Variants in TMEM101 observed in about 807,000 individuals in gnomAD.
TMEM101 encodes the protein putative NF-kappa-B-activating protein 130.
Under a neutral mutation model 26.0 loss-of-function variants are expected in TMEM101, and 14 were observed. That is an observed-to-expected ratio of 0.54 (90% confidence interval 0.36 to 0.84). TMEM101 has a LOEUF of 0.84. TMEM101 is among the 40% of genes least tolerant of loss of function. The pLI, the probability that TMEM101 is intolerant of heterozygous loss-of-function variation, is 0.01. For synonymous variants in TMEM101, 152 were observed against 145.1 expected (o/e 1.05, Z -0.34); for missense variants, 292 against 345.1 (o/e 0.85, Z 1.22).
At chr17:44,019,750 G>A (rs78491237), upstream of TMEM101, among the ~76,000 whole-genome samples, 2 of 152,032 alleles carry the variant, frequency 1.3e-5, no homozygotes, top group African/African-American at 2.4e-5. Flanking sequence ...ATACTCTTAC[G>A]GATACACAGG....
upstream of TMEM101, among the ~76,000 whole-genome samples, chr17:44,018,466 A>C (rs1009771746): frequency 3.3e-5 from 5 of 152,214 alleles, no homozygotes; most frequent in Non-Finnish European, 7.3e-5. Flanking sequence ...AATTTTGTCT[A>C]TCTCTACCCA....
rs1308499774 is a variant in TMEM101, at chr17:44,011,685, A to C, written c.*243T>G. On this transcript the variant is annotated 3_prime_UTR_variant, in exon 4 of 4. Transcript: ENST00000206380. ...GGAGACTCAGTGGGCAGCTGGCCTC[A>C]GCTCTCCTAACAGGAAAAAAACCTG... is the stretch of plus-strand genomic sequence containing the variant. The C allele has an allele frequency of 7.7e-6, 4 of 518,160 alleles. No individual in the cohort carries two copies. Among genetic ancestry groups the C allele is most frequent in the Non-Finnish European group, 1.0e-5 (3 of 292,328 alleles). 32.1% of individuals were successfully genotyped at this position (518,160 alleles called of 1,614,324 possible). A position where few individuals can be genotyped will look rare whatever the true frequency, so the allele number is the denominator to read the frequency against.
chr17:44,017,443 A>AC (rs1342800619), upstream of TMEM101, among the ~76,000 whole-genome samples: 1 of 148,572 alleles, frequency 6.7e-6, no homozygotes, highest in Non-Finnish European at 1.5e-5. Flanking sequence ...ATACAAAAAA[A>AC]ATTAGCCAGG....
At chr17:44,014,726 C>T in intron 1 of TMEM101, 90 bp downstream of exon 1, 1 of 1,511,304 alleles carries the variant, frequency 6.6e-7, no homozygotes, top group Non-Finnish European at 8.9e-7. Context: ...CCCAATTCCT[C>T]CCAGTTCAAG....
Position 44,012,527 on chromosome 17 carries a change from A to G in TMEM101, c.466-291T>C, listed in dbSNP as rs147544187. ...TGGGAGCCCACACAGAGAGCTGTAC[A>G]GAGATATACTCGGTAATTAAGATAA... On this transcript the variant is annotated intron_variant, in intron 3 of 3. Coordinates refer to ENST00000206380, the MANE Select transcript of TMEM101 (RefSeq NM_032376.4). 1.3e-3 allele frequency: 595 copies of G among 458,318 alleles called. 9 individuals are homozygous for G. In the East Asian group the frequency reaches 0.019, roughly 15 times the overall value. 28.4% of individuals were successfully genotyped at this position (458,318 alleles called of 1,614,324 possible).
upstream of TMEM101, among the ~76,000 whole-genome samples, chr17:44,018,590 G>C (rs35057304): frequency 0.05 from 7,545 of 152,204 alleles, 652 homozygotes; most frequent in African/African-American, 0.17. Context: ...CGTTTCAAAT[G>C]GCTGAGGTGT....
chr17:44,013,175 C>T lies in TMEM101; in HGVS notation c.319-20G>A. 1 of 1,518,258 alleles carries T rather than the reference C, an allele frequency of 6.6e-7. No individual in the cohort carries two copies. The highest frequency in any genetic ancestry group is 8.9e-7 in the Non-Finnish European group (1 of 1,120,238). The allele number at this position is 1,518,258 out of a possible 1,614,324, so 94.0% of individuals were successfully genotyped here. On this transcript the variant is annotated intron_variant, in intron 2 of 3. Transcript: ENST00000206380. ...ACGGACCTAGGCCGGGGTAAGGGGA[C>T]CCCAGTCAAGAACTGCAGCCGCCAC...
chr17:44,012,400 A>G, intron 3 of TMEM101, 164 bp from the exon 4 acceptor site: 1 of 653,862 alleles, frequency 1.5e-6, no homozygotes, highest in Non-Finnish European at 2.6e-6. Context: ...TCCCCCTCGG[A>G]CTATGGAGCC....
At chr17:44,018,790 G>T (rs1301482685), upstream of TMEM101, among the ~76,000 whole-genome samples, 1 of 152,206 alleles carries the variant, frequency 6.6e-6, no homozygotes, top group Non-Finnish European at 1.5e-5. Flanking sequence ...GGGAGGGGAA[G>T]ATTGGATTGA....
intron 2 of TMEM101, among the ~76,000 whole-genome samples, chr17:44,013,515 C>G (rs955142378): frequency 3.3e-5 from 5 of 152,038 alleles, no homozygotes; most frequent in Admixed American, 1.3e-4. Flanking sequence ...AAAAATTAGT[C>G]GGGCGTGGGG....
intron 2 of TMEM101, among the ~76,000 whole-genome samples, chr17:44,014,079 C>T (rs890955727): frequency 6.6e-6 from 1 of 152,174 alleles, no homozygotes; most frequent in Non-Finnish European, 1.5e-5. Flanking sequence ...AACCAGGTGA[C>T]CGGGGTTCTG....
At chr17:44,014,626 T>G in intron 1 of TMEM101, 89 bp from the exon 2 acceptor site, 1 of 1,529,098 alleles carries the variant, frequency 6.5e-7, no homozygotes, top group Non-Finnish European at 8.9e-7. Context: ...CAGGCTCCAC[T>G]GCTCCCCCAA....
At chr17:44,014,716 C>A (rs1597871184) in intron 1 of TMEM101, 100 bp downstream of exon 1, 1 of 1,504,116 alleles carries the variant, frequency 6.6e-7, no homozygotes. Flanking sequence ...CCAGGGAGGT[C>A]CCAATTCCTC....
Position 44,012,061 on chromosome 17 carries a change from A to G in TMEM101, c.641T>C (p.Val214Ala), listed in dbSNP as rs757041057. 3.1e-6 allele frequency: 5 copies of G among 1,614,240 alleles called. No individual in the cohort carries two copies. The East Asian group carries it at 8.9e-5, about 29-fold the overall frequency. ...AACATTGCCATCAATGAGCAGCATG[A>G]CAGGGGGCAGCAGTACAGCCAGGAT... ...AQILAVLLPP[V>A]MLLIDGNVAY... Residue 214 changes from valine (V) to alanine (A), a missense_variant, in exon 4 of 4, where the codon GTC becomes GCC. This residue lies in a region of TMEM101 where 149 missense variants were observed against 211.9 expected (regional missense o/e 0.70). Coordinates refer to ENST00000206380, the MANE Select transcript of TMEM101 (RefSeq NM_032376.4).
At chr17:44,016,801 T>C (rs549419113), upstream of TMEM101, among the ~76,000 whole-genome samples, 1 of 152,180 alleles carries the variant, frequency 6.6e-6, no homozygotes, top group South Asian at 2.1e-4. Context: ...GGACCTAGTA[T>C]ACAGGATGCC....
intron 1 of TMEM101, 21 bp from the exon 2 acceptor site, chr17:44,014,558 A>G (rs1251279801): frequency 3.2e-6 from 5 of 1,568,772 alleles, no homozygotes; most frequent in Non-Finnish European, 2.6e-6. Context: ...GGAGTGGGGA[A>G]GCAACGAGGA....
At chr17:44,013,444 T>C (rs2049187983) in intron 2 of TMEM101, among the ~76,000 whole-genome samples, 1 of 152,134 alleles carries the variant, frequency 6.6e-6, no homozygotes, top group Non-Finnish European at 1.5e-5. Context: ...TGGATCACCC[T>C]GAGGTCAGGA....
intron 3 of TMEM101, 80 bp downstream of exon 3, chr17:44,012,913 GCCTCGTTCTGTGTCTA>G (rs2049178757): frequency 7.4e-7 from 1 of 1,350,136 alleles, no homozygotes; most frequent in African/African-American, 1.5e-5. Context: ...TGCACTCAGG[GCCTCGTTCTGTGTCTA>G]CCTTCCTGGG....
upstream of TMEM101, chr17:44,019,323 GGC>G: frequency 2.3e-6 from 1 of 432,652 alleles, no homozygotes; most frequent in East Asian, 7.4e-5. Flanking sequence ...ACCAGACTAT[GGC>G]GGATTCACCA....
Sources: allele counts gnomAD v4.1 joint callset (sites outside exome capture counted in the v4.1 genomes callset), GRCh38; gene constraint gnomAD v4.1.1; regional missense constraint gnomAD v4.1.1; transcripts MANE v1.5; gene names NCBI Gene and HGNC (gene_info 2026-07-23, HGNC 2026-07-21).